The following ZMAT1 variants were observed in gnomAD, a reference collection of about 807,000 sequenced individuals.
ZMAT1 encodes zinc finger matrin-type 1.
A neutral mutation model predicts 18.5 loss-of-function variants in ZMAT1; 11 were observed. The ratio of observed to expected loss-of-function variants is 0.59; its 90% CI spans 0.37 to 0.98. The LOEUF is 0.98. Among genes scored for constraint, ZMAT1 ranks in the 50% least tolerant of loss-of-function variants. The pLI, the probability that ZMAT1 is intolerant of heterozygous loss-of-function variation, is 0.01. For missense variants in ZMAT1, 525 were observed against 496.2 expected (o/e 1.06, Z -0.55); for synonymous variants, 211 against 176.4 (o/e 1.20, Z -1.55).
At chrX:101,920,142 G>A (rs184987236) in intron 1 of ZMAT1, among the ~76,000 whole-genome samples, 1 of 108,555 alleles carries the variant, frequency 9.2e-6, no homozygotes, top group Admixed American at 9.9e-5. Flanking sequence ...TGGGCTAAGC[G>A]ATTCTCCCAC....
intron 4 of ZMAT1, chrX:101,895,733 A>C: frequency 4.2e-5 from 17 of 405,589 alleles, no homozygotes; most frequent in Non-Finnish European, 5.0e-5. Flanking sequence ...GAAGCAGGAT[A>C]GAGCTTGCAA....
At chrX:101,927,923 TAGAG>T (rs1257503801) in intron 1 of ZMAT1, among the ~76,000 whole-genome samples, 2 of 112,364 alleles carry the variant, frequency 1.8e-5, no homozygotes, top group African/African-American at 3.2e-5. Flanking sequence ...TGAAATCTAA[TAGAG>T]AGGATCACAA....
intron 1 of ZMAT1, among the ~76,000 whole-genome samples, chrX:101,905,124 C>T (rs1056069783): frequency 8.9e-6 from 1 of 112,098 alleles, no homozygotes; most frequent in Non-Finnish European, 1.9e-5. Context: ...AAACATGAAG[C>T]TATGCCTTCA....
intron 1 of ZMAT1, among the ~76,000 whole-genome samples, chrX:101,913,717 A>G (rs1929112004): frequency 8.9e-6 from 1 of 111,850 alleles, no homozygotes; most frequent in South Asian, 3.7e-4. Flanking sequence ...AGTGAAAGAG[A>G]GAGATAGGCC....
intron 1 of ZMAT1, among the ~76,000 whole-genome samples, chrX:101,910,846 T>C (rs1928915409): frequency 9.0e-6 from 1 of 110,837 alleles, no homozygotes; most frequent in Non-Finnish European, 1.9e-5. Flanking sequence ...GAGAAAGAAA[T>C]TAGGTAGAAA....
rs1257988415 is a variant in ZMAT1 at position 101,883,680 on chromosome X, C to A, written c.1918G>T (p.Glu640Ter). The A allele has an allele frequency of 1.7e-6, 2 of 1,205,120 alleles. No individual in the cohort carries two copies. Among genetic ancestry groups the A allele is most frequent in the Non-Finnish European group, 2.2e-6 (2 of 894,082 alleles). Residue 640 changes from glutamate to a stop codon, truncating the protein, a stop_gained, in exon 6 of 6, where the codon GAG (glutamate) becomes TAG (stop). Transcript: ENST00000651725. LOFTEE classifies it high-confidence loss of function. ...CCTGAACTGACCTTGACTCTATCCT[C>A]CTCTCTTTTCCTTTGTCTGATGCTC... ...DKSIRQRKRE[E>*]DRVKVSSGKL...
chrX:101,889,822 C>T (rs768385366), intron 4 of ZMAT1: 1 of 111,937 alleles, frequency 8.9e-6, no homozygotes, highest in African/African-American at 3.2e-5. Context: ...AGCAAAACCA[C>T]CATGGCACAC....
chrX:101,898,992 G>A (rs996644658), intron 2 of ZMAT1, among the ~76,000 whole-genome samples: 17 of 110,612 alleles, frequency 1.5e-4, no homozygotes, highest in Admixed American at 4.8e-4. Context: ...AGGTTGCAGC[G>A]AGCCGAGATT....
intron 1 of ZMAT1, among the ~76,000 whole-genome samples, chrX:101,931,225 T>G (rs190472365): frequency 8.9e-6 from 1 of 111,961 alleles, no homozygotes; most frequent in East Asian, 2.8e-4. Flanking sequence ...CTGCAGGACG[T>G]TGAACACCAA....
chrX:101,894,359 G>A (rs981439037), intron 4 of ZMAT1: 3 of 669,494 alleles, frequency 4.5e-6, no homozygotes, highest in Non-Finnish European at 3.5e-6. Context: ...CTGGAGATAA[G>A]GGGAGAGTAG....
Position 101,886,725 on chromosome X carries a change from C to T in ZMAT1, c.683G>A (p.Ser228Asn). The part of the protein sequence containing the change: ...PSGFQPEMAF[S>N]MRTYVCHICS... ...AATATGGCAAACATAGGTTCTCATA[C>T]TAAATGCTGAAAAAACAAAGAGTTC... The change falls in exon 5 of 6, where the codon AGT becomes AAT. Residue 228 changes from serine to asparagine, a missense_variant. Physicochemically the swap from Ser to Asn is conservative, Grantham distance 46. Coordinates refer to ENST00000651725, the MANE Select transcript of ZMAT1 (RefSeq NM_001394560.1). The T allele has an allele frequency of 2.6e-6, 3 of 1,176,407 alleles. No homozygotes were observed. Among genetic ancestry groups the T allele is most frequent in the Middle Eastern group, 2.4e-4 (1 of 4,199 alleles).
At chrX:101,901,646 C>G (rs1928239053) in intron 2 of ZMAT1, among the ~76,000 whole-genome samples, 1 of 111,497 alleles carries the variant, frequency 9.0e-6, no homozygotes, top group African/African-American at 3.3e-5. Flanking sequence ...CTTCCTCTCT[C>G]TCTCTTAAAG....
chrX:101,901,857 T>G (rs1036561877), intron 2 of ZMAT1, among the ~76,000 whole-genome samples: 1 of 112,481 alleles, frequency 8.9e-6, no homozygotes, highest in Non-Finnish European at 1.9e-5. Flanking sequence ...CTCTAGTTCA[T>G]TCATGCTATA....
At chrX:101,917,811 T>C (rs1435981763) in intron 1 of ZMAT1, among the ~76,000 whole-genome samples, 1 of 112,437 alleles carries the variant, frequency 8.9e-6, no homozygotes, top group East Asian at 2.8e-4. Flanking sequence ...GATGAATGGA[T>C]AAAGAAAATG....
Position 101,908,095 on chromosome X carries a change from T to C in ZMAT1, c.293-3765A>G, listed in dbSNP as rs992329708. On this transcript the variant is annotated intron_variant, in intron 1 of 5. Coordinates refer to ENST00000651725, the MANE Select transcript of ZMAT1 (RefSeq NM_001394560.1). ...ACTAGAAACGTGTAAAAAATAACAA[T>C]GAATAGTTACAAATTTATCTCTACT... Among the ~76,000 whole-genome samples, 4 of 112,464 alleles carry C rather than the reference T, an allele frequency of 3.6e-5. No homozygotes were observed. In the Admixed American group the frequency reaches 3.8e-4, roughly 11 times the overall value.
rs1488638222 is a variant in ZMAT1, at chrX:101,884,525, T to A, written c.1073A>T (p.Tyr358Phe). The A allele has an allele frequency of 1.7e-6, 2 of 1,211,369 alleles. No homozygotes were observed. Among genetic ancestry groups the A allele is most frequent in the South Asian group, 3.5e-5 (2 of 57,001 alleles). Residue 358 changes from tyrosine (Y) to phenylalanine (F), a missense_variant, in exon 6 of 6, where the codon TAT becomes TTT. Transcript: ENST00000651725. ...TTCAAGTTCATCTTGGAAAGAGTCA[T>A]ATGTCTTCTTTGAATGAGGTAACTG... ...EKQLPHSKKT[Y>F]DSFQDELEDY...
chrX:101,883,918 C>A lies in ZMAT1; in HGVS notation c.1680G>T (p.Gln560His), dbSNP rs1422004366. 1 of 1,208,220 alleles carries A rather than the reference C, an allele frequency of 8.3e-7. No homozygotes were observed. Among genetic ancestry groups the A allele is most frequent in the African/African-American group, 1.8e-5 (1 of 56,948 alleles). Residue 560 changes from glutamine (Q) to histidine (H), a missense_variant, in exon 6 of 6, where the codon CAG becomes CAT. Gln to His is a conservative substitution (Grantham distance 24). Transcript: ENST00000651725. ...PEKPVPLSLNQQENNSGSYSV... is the reference protein window; with the variant it reads ...PEKPVPLSLNHQENNSGSYSV... ...TGTATGAGCCAGAGTTATTTTCTTG[C>A]TGATTAAGGCTCAAGGGTACTGGTT...
chrX:101,895,937 T>C (rs1236429539), intron 4 of ZMAT1: 1 of 615,279 alleles, frequency 1.6e-6, no homozygotes, highest in Non-Finnish European at 1.9e-6. Flanking sequence ...TAGAACTGCA[T>C]TTATTGTAAA....
intron 1 of ZMAT1, chrX:101,911,632 C>G: frequency 8.3e-7 from 1 of 1,199,281 alleles, no homozygotes; most frequent in Non-Finnish European, 1.1e-6. Flanking sequence ...CAAACATTAG[C>G]GAATCCACGC....
Sources: allele counts gnomAD v4.1 joint callset (sites outside exome capture counted in the v4.1 genomes callset), GRCh38; gene constraint gnomAD v4.1.1; transcripts MANE v1.5; gene names NCBI Gene and HGNC (gene_info 2026-07-23, HGNC 2026-07-21).